ITPR2: variants seen among roughly 807,000 people sequenced by gnomAD.
The protein encoded by ITPR2 is inositol 1,4,5-trisphosphate receptor type 2.
ITPR2 carries 207 observed loss-of-function variants against 317.1 expected under a neutral mutation model. The observed-to-expected ratio is 0.65, with a 90% CI of 0.58 to 0.73. The LOEUF (loss-of-function observed/expected upper bound fraction) is 0.73. Ranked by LOEUF, ITPR2 falls within the 30% of genes least tolerant of loss-of-function variation. The pLI is 0.00. For missense variants in ITPR2, 2,613 were observed against 3,284.0 expected, an observed-to-expected ratio of 0.80 and a Z score of 4.99; for synonymous variants, 1,156 against 1,149.1, an observed-to-expected ratio of 1.01 and a Z score of -0.12.
At chr12:26,505,282 T>G (rs956485242) in intron 37 of ITPR2, among the ~76,000 whole-genome samples, 2 of 152,212 alleles carry the variant, frequency 1.3e-5, no homozygotes, top group African/African-American at 4.8e-5. Context: ...AGCATTACTT[T>G]AGGGGATGAT....
chr12:26,671,017 T>C (rs369047565), intron 13 of ITPR2, among the ~76,000 whole-genome samples: 1 of 151,642 alleles, frequency 6.6e-6, no homozygotes, highest in Non-Finnish European at 1.5e-5. Context: ...TAAAAAGAAA[T>C]GAACAAAGCC....
intron 37 of ITPR2, among the ~76,000 whole-genome samples, chr12:26,522,968 C>T (rs1943704256): frequency 6.6e-6 from 1 of 152,184 alleles, no homozygotes; most frequent in African/African-American, 2.4e-5. Context: ...CATAACATTT[C>T]GATGCCTTGG....
rs372461652 is a variant in ITPR2 at position 26,653,237 on chromosome 12, C to G, written c.2740+739G>C. ...TACTTTGGCAGCCCTTTCCTTGAATCTTTCTTTTTTTTTTTTTTTTTTTTT... is the reference window on the plus strand; with the variant it reads ...TACTTTGGCAGCCCTTTCCTTGAATGTTTCTTTTTTTTTTTTTTTTTTTTT... On this transcript the variant is annotated intron_variant, in intron 21 of 56. Transcript: ENST00000381340. Among the ~76,000 whole-genome samples, 489 of 132,256 alleles carry G rather than the reference C, an allele frequency of 3.7e-3. 1 individual carries two copies. The highest frequency in any genetic ancestry group is 0.014 in the African/African-American group (473 of 34,728). The allele number at this position is 132,256 out of a possible 152,430, so 86.8% of individuals were successfully genotyped here. A position where few individuals can be genotyped will look rare whatever the true frequency, so the allele number is the denominator to read the frequency against.
chr12:26,562,628 T>C (rs1018389826), intron 34 of ITPR2, among the ~76,000 whole-genome samples: 2 of 152,108 alleles, frequency 1.3e-5, no homozygotes, highest in African/African-American at 2.4e-5. Context: ...AGATTAGAGT[T>C]AGAAAAGGTC....
chr12:26,481,899 T>C (rs1942552584), intron 42 of ITPR2, among the ~76,000 whole-genome samples: 1 of 152,202 alleles, frequency 6.6e-6, no homozygotes, highest in African/African-American at 2.4e-5. Flanking sequence ...AAACATCCTG[T>C]GAGATAAATA....
At chr12:26,723,336 G>A (rs993113375) in intron 4 of ITPR2, among the ~76,000 whole-genome samples, 2 of 151,968 alleles carry the variant, frequency 1.3e-5, no homozygotes, top group Non-Finnish European at 2.9e-5. Flanking sequence ...ATACTCTTGG[G>A]TCCTTATGTT....
chr12:26,374,217 T>G (rs1939273733), intron 55 of ITPR2, among the ~76,000 whole-genome samples: 2 of 152,242 alleles, frequency 1.3e-5, no homozygotes, highest in Non-Finnish European at 2.9e-5. Context: ...CAAACAGGTT[T>G]GTGTCAGACA....
At chr12:26,549,929 T>C (rs1944483022) in intron 37 of ITPR2, among the ~76,000 whole-genome samples, 1 of 151,944 alleles carries the variant, frequency 6.6e-6, no homozygotes, top group African/African-American at 2.4e-5. Context: ...ATCTAAATAA[T>C]GCATCTCAGT....
intron 1 of ITPR2, among the ~76,000 whole-genome samples, chr12:26,814,410 T>C (rs1296049756): frequency 6.6e-6 from 1 of 152,144 alleles, no homozygotes; most frequent in Non-Finnish European, 1.5e-5. Context: ...GTTACACCAG[T>C]TCTGTTGAAG....
chr12:26,474,924 T>G (rs1942383069), intron 45 of ITPR2, among the ~76,000 whole-genome samples: 1 of 152,178 alleles, frequency 6.6e-6, no homozygotes, highest in Admixed American at 6.5e-5. Flanking sequence ...CCTGCCGAAT[T>G]TGTCCTGATT....
intron 33 of ITPR2, 26 bp downstream of exon 33, chr12:26,580,001 G>T: frequency 6.3e-7 from 1 of 1,597,154 alleles, no homozygotes; most frequent in Non-Finnish European, 8.5e-7. Flanking sequence ...CTTTGCAACA[G>T]AATGCTTTGC....
Position 26,790,143 on chromosome 12 carries a change from T to C in ITPR2, c.163+14A>G, listed in dbSNP as rs1175864237. 6 of 1,571,016 alleles carry C rather than the reference T, an allele frequency of 3.8e-6. No individual in the cohort carries two copies. The highest frequency in any genetic ancestry group is 1.1e-5 in the South Asian group (1 of 90,198). ...CTTAGCTCACACAATTAAAAAAATA[T>C]ATGTATTTCTTACCTCTGAACTTCT... On this transcript the variant is annotated intron_variant, in intron 2 of 56. Transcript: ENST00000381340.
At chr12:26,677,555 A>G (rs1947939611) in intron 13 of ITPR2, among the ~76,000 whole-genome samples, 1 of 152,038 alleles carries the variant, frequency 6.6e-6, no homozygotes, top group African/African-American at 2.4e-5. Context: ...AGCCATGATC[A>G]TACCACTGCA....
intron 45 of ITPR2, among the ~76,000 whole-genome samples, chr12:26,450,942 G>A (rs930484528): frequency 6.6e-6 from 1 of 152,052 alleles, no homozygotes; most frequent in African/African-American, 2.4e-5. Flanking sequence ...ACAGTGGAAT[G>A]GATTAGTTAG....
In ITPR2 at chr12:26,433,894, T is replaced by C. The variant is rs199767043; in HGVS notation, c.6769+2327A>G. ...TCTGCATGAGGTAGATAGCAGAGCT[T>C]CATTATGTGAACTGGATTGAAGTTT... On this transcript the variant is annotated intron_variant, in intron 48 of 56. Transcript: ENST00000381340. 1.5e-4 allele frequency among the ~76,000 whole-genome samples: 23 copies of C among 152,206 alleles called. No individual in the cohort carries two copies. In the East Asian group the frequency reaches 1.7e-3, roughly 12 times the overall value.
intron 39 of ITPR2, among the ~76,000 whole-genome samples, chr12:26,490,560 C>G (rs1193300569): frequency 1.3e-5 from 2 of 152,188 alleles, no homozygotes; most frequent in Non-Finnish European, 2.9e-5. Context: ...TGCCTGTAAT[C>G]CCAGCACTTT....
intron 55 of ITPR2, among the ~76,000 whole-genome samples, chr12:26,376,369 A>G (rs575929801): frequency 1.3e-5 from 2 of 152,230 alleles, no homozygotes; most frequent in African/African-American, 2.4e-5. Flanking sequence ...CCCAGTGCTC[A>G]ACCCTCCCTC....
chr12:26,737,322 C>T (rs1457939710), intron 2 of ITPR2, among the ~76,000 whole-genome samples: 1 of 151,626 alleles, frequency 6.6e-6, no homozygotes, highest in East Asian at 1.9e-4. Context: ...ACGGCGCTAT[C>T]TCAGCTCACT....
rs768502246 is a variant in ITPR2, at chr12:26,494,137, A to G, written c.5370+16T>C. The G allele has an allele frequency of 1.6e-5, 26 of 1,588,746 alleles. No individual in the cohort carries two copies. The highest frequency in any genetic ancestry group is 6.8e-5 in the African/African-American group (5 of 73,822). The stretch of plus-strand genomic sequence containing the variant: ...ACCAATAATAAATGTAATCCCCATG[A>G]TTGATGAACAAGTACCTGTGTTTGT... On this transcript the variant is annotated intron_variant, in intron 39 of 56. Transcript: ENST00000381340.
Sources: allele counts gnomAD v4.1 joint callset (sites outside exome capture counted in the v4.1 genomes callset), GRCh38; gene constraint gnomAD v4.1.1; transcripts MANE v1.5; gene names NCBI Gene and HGNC (gene_info 2026-07-23, HGNC 2026-07-21).